Variants in GRAMD2B observed in about 807,000 individuals in gnomAD.
The protein encoded by GRAMD2B is GRAM domain containing 2B.
A neutral mutation model predicts 59.2 loss-of-function variants in GRAMD2B; 41 were observed. That is an observed-to-expected ratio of 0.69 (90% confidence interval 0.54 to 0.90). The LOEUF (loss-of-function observed/expected upper bound fraction) is 0.90. GRAMD2B is among the 40% of genes least tolerant of loss of function. The pLI is 0.00. For missense variants in GRAMD2B, 424 were observed against 500.5 expected (o/e 0.85, Z 1.46); for synonymous variants, 161 against 182.7 (o/e 0.88, Z 0.96).
intron 1 of GRAMD2B, chr5:126,360,560 A>C (rs1407532220): frequency 1.7e-6 from 2 of 1,177,084 alleles, no homozygotes; most frequent in African/African-American, 3.1e-5. Flanking sequence ...GAGTGTCTCC[A>C]CATGGAGAAT....
chr5:126,436,011 T>TA (rs1229934214), intron 1 of GRAMD2B, among the ~76,000 whole-genome samples: 8 of 152,214 alleles, frequency 5.3e-5, no homozygotes, highest in Admixed American at 5.2e-4. Flanking sequence ...TAACATAATT[T>TA]AAACCTATAA....
At chr5:126,445,842 G>A (rs1285750379) in intron 1 of GRAMD2B, among the ~76,000 whole-genome samples, 1 of 152,200 alleles carries the variant, frequency 6.6e-6, no homozygotes, top group African/African-American at 2.4e-5. Context: ...TGACTCAGGT[G>A]TTGAGATTGG....
chr5:126,422,199 A>T (rs1191050234), upstream of GRAMD2B, among the ~76,000 whole-genome samples: 1 of 143,984 alleles, frequency 6.9e-6, no homozygotes. Flanking sequence ...TTATGCACGG[A>T]TTTTTTTTTT....
At chr5:126,368,777 A>G (rs1052297096), upstream of GRAMD2B, among the ~76,000 whole-genome samples, 1 of 152,236 alleles carries the variant, frequency 6.6e-6, no homozygotes, top group Admixed American at 6.5e-5. Context: ...GGATTAACTC[A>G]ACATCTTACA....
intron 1 of GRAMD2B, among the ~76,000 whole-genome samples, chr5:126,377,453 A>G (rs2149699275): frequency 6.6e-6 from 1 of 152,270 alleles, no homozygotes; most frequent in African/African-American, 2.4e-5. Context: ...ATAGTCCTAC[A>G]TTCCTGAAAA....
chr5:126,395,853 G>A (rs189893616), intron 1 of GRAMD2B, among the ~76,000 whole-genome samples: 2 of 152,244 alleles, frequency 1.3e-5, no homozygotes, highest in Admixed American at 6.5e-5. Context: ...TGTATAAGGT[G>A]TATGATGTGA....
chr5:126,473,302 A>G lies in GRAMD2B; in HGVS notation c.420A>G (p.Gln140=), dbSNP rs1456223594. ...TCALQKEILY[Q]GKLFVSENWI... ...CTCTACAGAAAGAAATACTATACCA[A>G]GGAAAGCTCTTTGTATCAGAAAACT... The change falls in exon 5 of 14, where the codon CAA becomes CAG. Residue 140 remains glutamine, a synonymous_variant. Transcript: ENST00000285689. The G allele has an allele frequency of 6.5e-7, 1 of 1,537,096 alleles. No homozygotes were observed. The highest frequency in any genetic ancestry group is 2.3e-5 in the East Asian group (1 of 42,686).
At chr5:126,372,114 A>G (rs1754811013) in intron 1 of GRAMD2B, among the ~76,000 whole-genome samples, 1 of 152,224 alleles carries the variant, frequency 6.6e-6, no homozygotes, top group Admixed American at 6.5e-5. Flanking sequence ...ACTCATCAGT[A>G]TCCAAATCAG....
exon 1 of GRAMD2B, chr5:126,360,328 G>C (rs1754161340): frequency 1.3e-6 from 2 of 1,551,032 alleles, no homozygotes; most frequent in Non-Finnish European, 1.7e-6. Flanking sequence ...CTGGCCTCTA[G>C]AAGATGACAA....
intron 8 of GRAMD2B, chr5:126,481,007 G>A: frequency 2.5e-6 from 1 of 393,542 alleles, no homozygotes; most frequent in South Asian, 3.5e-5. Flanking sequence ...GTCAATATTG[G>A]CTTAGAGGGA....
chr5:126,432,705 G>A (rs915920292), intron 1 of GRAMD2B, among the ~76,000 whole-genome samples: 1 of 152,002 alleles, frequency 6.6e-6, no homozygotes, highest in Non-Finnish European at 1.5e-5. Flanking sequence ...TTTTCCTCCC[G>A]CTCTCCCTTC....
chr5:126,457,161 C>T (rs1398328050), intron 1 of GRAMD2B, among the ~76,000 whole-genome samples: 3 of 121,604 alleles, frequency 2.5e-5, no homozygotes, highest in African/African-American at 6.4e-5. Flanking sequence ...CACTGCACTC[C>T]AGCAGAGGCG....
At chr5:126,448,186 T>G (rs1462611089) in intron 1 of GRAMD2B, among the ~76,000 whole-genome samples, 1 of 152,026 alleles carries the variant, frequency 6.6e-6, no homozygotes, top group Non-Finnish European at 1.5e-5. Context: ...AACCACATAC[T>G]AAAGTGATAC....
chr5:126,394,692 C>T (rs1463132634), intron 1 of GRAMD2B, among the ~76,000 whole-genome samples: 1 of 152,156 alleles, frequency 6.6e-6, no homozygotes, highest in Non-Finnish European at 1.5e-5. Context: ...AGTCAGGGTT[C>T]CTGCTCTCAT....
intron 2 of GRAMD2B, among the ~76,000 whole-genome samples, chr5:126,468,134 A>G (rs1044701307): frequency 1.3e-5 from 2 of 152,250 alleles, no homozygotes; most frequent in African/African-American, 4.8e-5. Context: ...TTATTCATAT[A>G]TATAACTCCA....
chr5:126,418,161 A>G (rs1024284285), intron 1 of GRAMD2B, among the ~76,000 whole-genome samples: 1 of 152,144 alleles, frequency 6.6e-6, no homozygotes, highest in African/African-American at 2.4e-5. Flanking sequence ...TCACTAGACC[A>G]AAGAGCCCTG....
At chr5:126,380,890 A>C (rs992699647) in intron 1 of GRAMD2B, among the ~76,000 whole-genome samples, 2 of 151,880 alleles carry the variant, frequency 1.3e-5, no homozygotes, top group Non-Finnish European at 2.9e-5. Flanking sequence ...GATGCTTTTT[A>C]TTTCTTTCTA....
chr5:126,451,161 C>T (rs11958238), intron 1 of GRAMD2B, among the ~76,000 whole-genome samples: 79,200 of 152,206 alleles, frequency 0.52, 21,733 homozygotes, highest in Non-Finnish European at 0.61. Flanking sequence ...CAGAACTGTC[C>T]GAGGCCTTGG....
intron 1 of GRAMD2B, among the ~76,000 whole-genome samples, chr5:126,395,956 T>C (rs567566631): frequency 6.6e-6 from 1 of 152,334 alleles, no homozygotes; most frequent in Non-Finnish European, 1.5e-5. Flanking sequence ...GATTTGTGGG[T>C]GTGTGATAAG....
Sources: allele counts gnomAD v4.1 joint callset (sites outside exome capture counted in the v4.1 genomes callset), GRCh38; gene constraint gnomAD v4.1.1; transcripts MANE v1.5; gene names NCBI Gene and HGNC (gene_info 2026-07-23, HGNC 2026-07-21).